Variants in AFG1L observed in about 807,000 individuals in gnomAD.
The protein encoded by AFG1L is AFG1-like ATPase.
A neutral mutation model predicts 62.2 loss-of-function variants in AFG1L; 53 were observed. That is an observed-to-expected ratio of 0.85 (90% confidence interval 0.68 to 1.07). The LOEUF (loss-of-function observed/expected upper bound fraction) is 1.07, where lower values mean the gene tolerates loss of function less well. Ranked by LOEUF, AFG1L falls within the 50% of genes least tolerant of loss-of-function variation. AFG1L has a pLI of 0.00. For synonymous variants in AFG1L, 228 were observed against 210.3 expected, an observed-to-expected ratio of 1.08 and a Z score of -0.73; for missense variants, 555 against 590.5, an observed-to-expected ratio of 0.94 and a Z score of 0.62.
chr6:108,324,692 C>CT lies in AFG1L; in HGVS notation c.363+661dup, dbSNP rs1326027860. Among the ~76,000 whole-genome samples, 791 of 134,666 alleles carry CT rather than the reference C, an allele frequency of 5.9e-3. 4 individuals are homozygous for CT. Among genetic ancestry groups the CT allele is most frequent in the African/African-American group, 0.015 (534 of 36,778 alleles). 88.3% of individuals were successfully genotyped at this position (134,666 alleles called of 152,430 possible). A position where few individuals can be genotyped will look rare whatever the true frequency, so the allele number is the denominator to read the frequency against. ...CTTCTTGGGTGGGGTCCTTTCAGGA[C>CT]TTTTTTTTTTTTTTTTTGAGACAGA... On this transcript the variant is annotated intron_variant, in intron 2 of 12. Coordinates refer to ENST00000368977, the MANE Select transcript of AFG1L (RefSeq NM_145315.5).
chr6:108,459,139 C>A (rs1454747477), intron 8 of AFG1L, among the ~76,000 whole-genome samples: 1 of 152,166 alleles, frequency 6.6e-6, no homozygotes, highest in East Asian at 1.9e-4. Context: ...CTCCCACCTG[C>A]CCGTTTCAAG....
intron 1 of AFG1L, among the ~76,000 whole-genome samples, chr6:108,303,124 C>G (rs1777073807): frequency 6.6e-6 from 1 of 152,160 alleles, no homozygotes; most frequent in African/African-American, 2.4e-5. Context: ...GTTGGCCAGG[C>G]TGGTCTTGAA....
chr6:108,343,762 A>G lies in AFG1L; in HGVS notation c.364-3226A>G, dbSNP rs988291696. Among the ~76,000 whole-genome samples the G allele has an allele frequency of 5.9e-5, 9 of 152,190 alleles. No individual in the cohort carries two copies. In the East Asian group the frequency reaches 1.7e-3, roughly 29 times the overall value. ...TAAGAAGTTTTGGCAGGAGTAGAAA[A>G]CTGTTTTGAGTGGAGATTTAAGAAT... is the stretch of plus-strand genomic sequence containing the variant. On this transcript the variant is annotated intron_variant, in intron 2 of 12. Transcript: ENST00000368977.
chr6:108,396,798 G>A (rs1356800071), intron 6 of AFG1L, among the ~76,000 whole-genome samples: 1 of 151,948 alleles, frequency 6.6e-6, no homozygotes, highest in Non-Finnish European at 1.5e-5. Context: ...GGCCATAGTA[G>A]GTGTATATCT....
chr6:108,518,641 A>G (rs1394150444), intron 11 of AFG1L, among the ~76,000 whole-genome samples: 1 of 152,248 alleles, frequency 6.6e-6, no homozygotes, highest in Non-Finnish European at 1.5e-5. Flanking sequence ...CCTAAAACTT[A>G]AAGTATAATA....
At chr6:108,509,969 T>C (rs982755027) in intron 10 of AFG1L, among the ~76,000 whole-genome samples, 7 of 152,178 alleles carry the variant, frequency 4.6e-5, no homozygotes, top group African/African-American at 1.7e-4. Flanking sequence ...TTATGTATAA[T>C]TAAGCTCACT....
intron 2 of AFG1L, among the ~76,000 whole-genome samples, chr6:108,330,974 G>T (rs554577233): frequency 6.6e-6 from 1 of 152,262 alleles, no homozygotes; most frequent in East Asian, 1.9e-4. Flanking sequence ...TTTGGATTTT[G>T]TTTTCAATAC....
chr6:108,382,040 G>A (rs1481053244), intron 6 of AFG1L, among the ~76,000 whole-genome samples: 1 of 105,060 alleles, frequency 9.5e-6, no homozygotes, highest in East Asian at 3.1e-4. Flanking sequence ...TGCTCTTGTT[G>A]TCCAGGCTGG....
chr6:108,325,438 CTT>C (rs60856309), intron 2 of AFG1L, among the ~76,000 whole-genome samples: 363 of 143,992 alleles, frequency 2.5e-3, no homozygotes, highest in African/African-American at 8.3e-3. Context: ...GCTGTTTTGC[CTT>C]TTTTTTTTTT....
At chr6:108,351,081 T>G (rs1415062133) in intron 3 of AFG1L, among the ~76,000 whole-genome samples, 1 of 152,176 alleles carries the variant, frequency 6.6e-6, no homozygotes, top group Non-Finnish European at 1.5e-5. Context: ...GTATAATAGA[T>G]AAAATATGGG....
At chr6:108,410,031 C>T (rs757654158) in intron 7 of AFG1L, among the ~76,000 whole-genome samples, 34 of 152,090 alleles carry the variant, frequency 2.2e-4, no homozygotes, top group Non-Finnish European at 4.7e-4. Context: ...TTTGGCTGGG[C>T]GCAGTGGCTC....
intron 3 of AFG1L, among the ~76,000 whole-genome samples, chr6:108,349,593 TC>T (rs1023759367): frequency 2.6e-5 from 4 of 152,018 alleles, no homozygotes; most frequent in Non-Finnish European, 5.9e-5. Flanking sequence ...TTTATTCTTT[TC>T]CTTTGTTGGA....
intron 10 of AFG1L, among the ~76,000 whole-genome samples, chr6:108,499,812 A>G (rs952969954): frequency 6.6e-6 from 1 of 152,074 alleles, no homozygotes; most frequent in African/African-American, 2.4e-5. Context: ...TTAAAAAAAT[A>G]ATAGATTCAG....
chr6:108,484,652 A>G (rs1303255813), intron 10 of AFG1L, among the ~76,000 whole-genome samples: 1 of 152,216 alleles, frequency 6.6e-6, no homozygotes, highest in Non-Finnish European at 1.5e-5. Flanking sequence ...AAATTTTACC[A>G]TACACACCTA....
chr6:108,420,433 ATAT>A (rs1770537709), intron 7 of AFG1L, among the ~76,000 whole-genome samples: 1 of 148,376 alleles, frequency 6.7e-6, no homozygotes, highest in Admixed American at 6.8e-5. Flanking sequence ...AATATATTTA[ATAT>A]TAAATATATT....
At chr6:108,380,320 C>T (rs1264244621) in intron 6 of AFG1L, among the ~76,000 whole-genome samples, 4 of 152,000 alleles carry the variant, frequency 2.6e-5, no homozygotes, top group Non-Finnish European at 5.9e-5. Context: ...CAGGCAAGTA[C>T]GTATTCCAAA....
At chr6:108,494,431 GC>G (rs111670254) in intron 10 of AFG1L, among the ~76,000 whole-genome samples, 12,799 of 150,184 alleles carry the variant, frequency 0.085, 1,716 homozygotes, top group African/African-American at 0.29. Context: ...AGCAAAATAT[GC>G]CCCCCCCACC....
intron 6 of AFG1L, among the ~76,000 whole-genome samples, chr6:108,367,317 G>T (rs145700111): frequency 1.4e-4 from 22 of 152,218 alleles, no homozygotes; most frequent in African/African-American, 4.8e-4. Context: ...GTTTTAAAAA[G>T]ATCTCTCTGG....
At chr6:108,436,648 A>T (rs1771324683) in intron 7 of AFG1L, among the ~76,000 whole-genome samples, 1 of 152,120 alleles carries the variant, frequency 6.6e-6, no homozygotes, top group Non-Finnish European at 1.5e-5. Flanking sequence ...TCCAAGCAAG[A>T]GCCATAGTTG....
Sources: gnomAD v4.1 joint callset for allele counts (sites outside exome capture counted in the v4.1 genomes callset) on GRCh38, gnomAD v4.1.1 for gene constraint, MANE v1.5 for transcripts, NCBI Gene and HGNC (gene_info 2026-07-23, HGNC 2026-07-21) for gene names.